RIMS3: variants seen among roughly 807,000 people sequenced by gnomAD.
RIMS3 encodes regulating synaptic membrane exocytosis protein 3.
A neutral mutation model predicts 29.2 loss-of-function variants in RIMS3; 15 were observed. The ratio of observed to expected loss-of-function variants is 0.51; its 90% CI spans 0.34 to 0.79. RIMS3 has a LOEUF of 0.79. Among genes scored for constraint, RIMS3 ranks in the 30% least tolerant of loss-of-function variants. The pLI, the probability that RIMS3 is intolerant of heterozygous loss-of-function variation, is 0.01. For synonymous variants in RIMS3, 161 were observed against 170.1 expected (o/e 0.95, Z 0.41); for missense variants, 342 against 421.4 (o/e 0.81, Z 1.65).
At chr1:40,634,771 A>G (rs1408102092) in intron 4 of RIMS3, among the ~76,000 whole-genome samples, 1 of 151,950 alleles carries the variant, frequency 6.6e-6, no homozygotes, top group East Asian at 1.9e-4. Flanking sequence ...GAGAAACCCC[A>G]TCTCTACTAA....
At chr1:40,661,692 G>A (rs1206079694) in intron 1 of RIMS3, among the ~76,000 whole-genome samples, 1 of 152,196 alleles carries the variant, frequency 6.6e-6, no homozygotes, top group Non-Finnish European at 1.5e-5. Context: ...TCACTTTATC[G>A]TTTTCCTAGA....
At chr1:40,634,918 G>T (rs1646510155) in intron 4 of RIMS3, among the ~76,000 whole-genome samples, 1 of 147,044 alleles carries the variant, frequency 6.8e-6, no homozygotes, top group Non-Finnish European at 1.5e-5. Flanking sequence ...TCCAGCGTGG[G>T]CAACAAGAGC....
chr1:40,667,025 A>G (rs148036332), upstream of RIMS3, among the ~76,000 whole-genome samples: 2 of 152,176 alleles, frequency 1.3e-5, no homozygotes, highest in Admixed American at 6.5e-5. Flanking sequence ...CTCTGTCTCA[A>G]AAAAAAGTAA....
chr1:40,678,532 T>C, the RIMS3 span, among the ~76,000 whole-genome samples: 1 of 152,234 alleles, frequency 6.6e-6, no homozygotes, highest in Non-Finnish European at 1.5e-5. Flanking sequence ...ACTGTGCTCA[T>C]TGCTGCATTC....
At chr1:40,659,205 GCAAGTGCAGATGCA>G (rs1642315312) in intron 1 of RIMS3, among the ~76,000 whole-genome samples, 1 of 152,196 alleles carries the variant, frequency 6.6e-6, no homozygotes, top group African/African-American at 2.4e-5. Flanking sequence ...AAAGGGAACA[GCAAGTGCAGATGCA>G]CAGAGACCCA....
intron 4 of RIMS3, among the ~76,000 whole-genome samples, chr1:40,633,920 T>C (rs892145216): frequency 4.6e-5 from 7 of 152,142 alleles, no homozygotes; most frequent in Non-Finnish European, 7.4e-5. Flanking sequence ...ACAAAATTCA[T>C]AGGGTTTTAT....
At chr1:40,641,641 G>A in intron 3 of RIMS3, 68 bp downstream of exon 3, 1 of 1,496,014 alleles carries the variant, frequency 6.7e-7, no homozygotes, top group Non-Finnish European at 9.2e-7. Context: ...CATCAGGGCA[G>A]TCCCTGGGTA....
chr1:40,638,261 A>T (rs1412531996), intron 3 of RIMS3, among the ~76,000 whole-genome samples: 1 of 152,072 alleles, frequency 6.6e-6, no homozygotes, highest in Non-Finnish European at 1.5e-5. Context: ...CATCTAGCTG[A>T]GAGGTGATTC....
At chr1:40,671,491 G>A in the RIMS3 span, among the ~76,000 whole-genome samples, 2 of 152,174 alleles carry the variant, frequency 1.3e-5, no homozygotes, top group Non-Finnish European at 2.9e-5. Flanking sequence ...GGTTTCTCAT[G>A]AATGGTTTAG....
the RIMS3 span, among the ~76,000 whole-genome samples, chr1:40,685,766 A>T: frequency 2.0e-5 from 3 of 152,250 alleles, no homozygotes; most frequent in South Asian, 4.2e-4. Flanking sequence ...GAGATCTGAG[A>T]AGCACATTCT....
chr1:40,641,600 A>G (rs545463894), intron 3 of RIMS3, 109 bp downstream of exon 3: 2 of 1,062,272 alleles, frequency 1.9e-6, no homozygotes, highest in African/African-American at 1.6e-5. Context: ...GGGCCACAGT[A>G]TAAGTGTCTG....
intron 6 of RIMS3, 56 bp from the exon 7 acceptor site, chr1:40,629,005 T>A: frequency 6.2e-7 from 1 of 1,605,450 alleles, no homozygotes; most frequent in East Asian, 2.2e-5. Flanking sequence ...AGCTTTGGCC[T>A]GCCCATCCCC....
At chr1:40,691,956 C>T in the RIMS3 span, 15 of 316,852 alleles carry the variant, frequency 4.7e-5, no homozygotes, top group Non-Finnish European at 8.1e-5. Flanking sequence ...CGCCAGAGAC[C>T]TCACTTCCTC....
rs572629641 is a variant in RIMS3 at position 40,623,695 on chromosome 1, C to A, written c.*2822G>T. The stretch of plus-strand genomic sequence containing the variant: ...CGTCCTCAAACAGCAGATGCTCCCC[C>A]ACCCCAGCAAACAACCAGGAGTTAC... On this transcript the variant is annotated 3_prime_UTR_variant, in exon 8 of 8. Transcript: ENST00000372684. 9 of 394,570 alleles carry A rather than the reference C, an allele frequency of 2.3e-5. No homozygotes were observed. Among genetic ancestry groups the A allele is most frequent in the East Asian group, 3.6e-5 (1 of 27,904 alleles). 24.4% of individuals were successfully genotyped at this position (394,570 alleles called of 1,614,324 possible). A position where few individuals can be genotyped will look rare whatever the true frequency, so the allele number is the denominator to read the frequency against.
At chr1:40,629,092 C>T in intron 6 of RIMS3, 143 bp from the exon 7 acceptor site, 1 of 1,164,010 alleles carries the variant, frequency 8.6e-7, no homozygotes, top group Non-Finnish European at 1.3e-6. Flanking sequence ...GAAGAGGTGA[C>T]TCAAGTACTG....
At chr1:40,631,154 G>A (rs1646486592) in intron 5 of RIMS3, among the ~76,000 whole-genome samples, 1 of 152,230 alleles carries the variant, frequency 6.6e-6, no homozygotes, top group Non-Finnish European at 1.5e-5. Context: ...TGATGGGAAA[G>A]GAGTGGAGGC....
chr1:40,626,367 T>C lies in RIMS3; in HGVS notation c.*150A>G. The C allele has an allele frequency of 1.4e-6, 1 of 728,998 alleles. No homozygotes were observed. The highest frequency in any genetic ancestry group is 2.7e-5 in the East Asian group (1 of 37,238). The allele number at this position is 728,998 out of a possible 1,614,324, so 45.2% of individuals were successfully genotyped here. A position where few individuals can be genotyped will look rare whatever the true frequency, so the allele number is the denominator to read the frequency against. On this transcript the variant is annotated 3_prime_UTR_variant, in exon 8 of 8. Coordinates refer to ENST00000372684, the MANE Select transcript of RIMS3 (RefSeq NM_014747.3). ...GCACGCACACACGCACACACTACAG[T>C]CTCCACTGCCAGCTGGGATGAGCCC...
chr1:40,634,952 A>C (rs1235871654), intron 4 of RIMS3, among the ~76,000 whole-genome samples: 8 of 152,044 alleles, frequency 5.3e-5, no homozygotes, highest in Admixed American at 3.9e-4. Context: ...AAAAAAAAAA[A>C]AAACAAAAAA....
At chr1:40,641,446 C>A (rs1416525580) in intron 3 of RIMS3, among the ~76,000 whole-genome samples, 2 of 152,202 alleles carry the variant, frequency 1.3e-5, no homozygotes, top group Non-Finnish European at 2.9e-5. Flanking sequence ...GAGTTTGAAT[C>A]CAGGCTCCAC....
Sources: allele counts gnomAD v4.1 joint callset (sites outside exome capture counted in the v4.1 genomes callset), GRCh38; gene constraint gnomAD v4.1.1; transcripts MANE v1.5; gene names NCBI Gene and HGNC (gene_info 2026-07-23, HGNC 2026-07-21).